The following PRICKLE2 variants were observed in gnomAD, a reference collection of about 807,000 sequenced individuals.
The protein encoded by PRICKLE2 is prickle-like protein 2.
PRICKLE2 carries 21 observed loss-of-function variants against 81.4 expected under a neutral mutation model. The observed-to-expected ratio is 0.26, with a 90% CI of 0.18 to 0.37. The LOEUF (loss-of-function observed/expected upper bound fraction) is 0.37. Among genes scored for constraint, PRICKLE2 ranks in the 10% least tolerant of loss-of-function variants. The pLI is 1.00. For synonymous variants in PRICKLE2, 456 were observed against 421.5 expected (o/e 1.08, Z -1.00); for missense variants, 940 against 1,109.0 (o/e 0.85, Z 2.16).
chr3:64,252,675 G>C (rs941118050), intron 2 of PRICKLE2, among the ~76,000 whole-genome samples: 2 of 152,182 alleles, frequency 1.3e-5, no homozygotes, highest in Non-Finnish European at 2.9e-5. Context: ...TGGGAGTCAG[G>C]AAACTTTTGT....
At position 64,147,118 on chromosome 3, in the gene PRICKLE2, T is replaced by C; in HGVS notation, c.1372A>G (p.Thr458Ala). Residue 458 changes from threonine to alanine, a missense_variant, in exon 7 of 8, where the codon ACA (threonine) becomes GCA (alanine). This residue lies in a region of PRICKLE2 where 670 missense variants were observed against 717.2 expected (regional missense o/e 0.93). Transcript: ENST00000638394. The surrounding 1 kb of genome is among the most constrained non-coding windows in gnomAD (Gnocchi z 5.0). ...NPKRSSSLAM[T>A]GHAGSFIKEC... ...TTGATGAAGCTGCCAGCATGTCCTG[T>C]CATGGCCAGTGACGAGCTCCTTTTG... is the stretch of plus-strand genomic sequence containing the variant. 1.2e-6 allele frequency: 2 copies of C among 1,614,136 alleles called. No homozygotes were observed. Among genetic ancestry groups the C allele is most frequent in the Non-Finnish European group, 1.7e-6 (2 of 1,180,026 alleles).
chr3:64,113,842 C>T (rs2076891107), intron 7 of PRICKLE2, among the ~76,000 whole-genome samples: 1 of 152,120 alleles, frequency 6.6e-6, no homozygotes, highest in Non-Finnish European at 1.5e-5. Context: ...AGCACCCTGC[C>T]CCAAGCCAAT....
At chr3:64,137,437 T>C (rs2077294985) in intron 7 of PRICKLE2, among the ~76,000 whole-genome samples, 1 of 152,100 alleles carries the variant, frequency 6.6e-6, no homozygotes. Flanking sequence ...ACAAAGAGAA[T>C]AAAATCAGCA....
At chr3:64,111,537 C>G (rs906382261) in intron 7 of PRICKLE2, among the ~76,000 whole-genome samples, 1 of 152,132 alleles carries the variant, frequency 6.6e-6, no homozygotes, top group Non-Finnish European at 1.5e-5. Context: ...AGTGACACTC[C>G]CCAGCTTCTA....
At chr3:64,112,346 C>G (rs541703179) in intron 7 of PRICKLE2, among the ~76,000 whole-genome samples, 14 of 152,292 alleles carry the variant, frequency 9.2e-5, no homozygotes, top group African/African-American at 3.4e-4. Flanking sequence ...CTCCTTTAGG[C>G]TTGGGATCTT....
At chr3:64,262,866 T>C (rs2079637683) in intron 2 of PRICKLE2, among the ~76,000 whole-genome samples, 1 of 152,114 alleles carries the variant, frequency 6.6e-6, no homozygotes, top group African/African-American at 2.4e-5. Flanking sequence ...GAAACTGAGG[T>C]TCAGAGATGT....
At chr3:64,168,036 G>A (rs2107056428) in intron 2 of PRICKLE2, among the ~76,000 whole-genome samples, 1 of 152,228 alleles carries the variant, frequency 6.6e-6, no homozygotes, top group East Asian at 1.9e-4. Flanking sequence ...GAACTTGTTG[G>A]ACCTCACCCA....
chr3:64,156,636 A>T (rs2077639674), intron 5 of PRICKLE2, among the ~76,000 whole-genome samples: 1 of 152,176 alleles, frequency 6.6e-6, no homozygotes, highest in African/African-American at 2.4e-5. Flanking sequence ...TGGGGCAGAG[A>T]CATCCAAATG....
intron 7 of PRICKLE2, among the ~76,000 whole-genome samples, chr3:64,129,171 A>G (rs1038880757): frequency 4.6e-5 from 7 of 151,760 alleles, no homozygotes; most frequent in Non-Finnish European, 7.4e-5. Context: ...AAAATACAAG[A>G]CTCAAGTGTT....
At chr3:64,101,160 G>A (rs926064806) in intron 7 of PRICKLE2, 1 of 152,120 alleles carries the variant, frequency 6.6e-6, no homozygotes, top group Non-Finnish European at 1.5e-5. Flanking sequence ...TTGGGTGTAC[G>A]ACCAAGAGTA....
At chr3:64,134,818 G>T (rs564046810) in intron 7 of PRICKLE2, among the ~76,000 whole-genome samples, 1 of 152,166 alleles carries the variant, frequency 6.6e-6, no homozygotes, top group Non-Finnish European at 1.5e-5. Context: ...AAAGAAAAAG[G>T]GTGAGTTATT....
At chr3:64,242,273 A>G (rs2079278116) in intron 2 of PRICKLE2, among the ~76,000 whole-genome samples, 1 of 152,214 alleles carries the variant, frequency 6.6e-6, no homozygotes, top group Admixed American at 6.5e-5. Context: ...CCTTCTTAGC[A>G]GTCTAGCTAG....
At chr3:64,257,580 A>G (rs1037124098) in intron 2 of PRICKLE2, among the ~76,000 whole-genome samples, 9 of 151,760 alleles carry the variant, frequency 5.9e-5, no homozygotes, top group Non-Finnish European at 1.3e-4. Context: ...CTGGGTGTTT[A>G]CTCCTTCAAA....
intron 7 of PRICKLE2, among the ~76,000 whole-genome samples, chr3:64,138,519 G>A (rs2077310705): frequency 6.6e-6 from 1 of 152,224 alleles, no homozygotes; most frequent in Non-Finnish European, 1.5e-5. Flanking sequence ...TGAAGCCAGT[G>A]TACAGGGAAC....
Position 64,147,713 on chromosome 3 carries a change from G to A in PRICKLE2, c.788-11C>T. The A allele has an allele frequency of 1.2e-6, 2 of 1,613,398 alleles. No homozygotes were observed. The highest frequency in any genetic ancestry group is 1.7e-6 in the Non-Finnish European group (2 of 1,179,990). ...GACCTTGGTCGATACCTAAAAAAATGAGAGACATTGGAGAGGCTGATGAGC... is the reference window on the plus strand; with the variant it reads ...GACCTTGGTCGATACCTAAAAAAATAAGAGACATTGGAGAGGCTGATGAGC... On this transcript the variant is annotated splice_polypyrimidine_tract_variant and intron_variant, in intron 6 of 7. Transcript: ENST00000638394. This position sits in a 1 kb window ranked among gnomAD's most constrained non-coding sequence, Gnocchi z 5.0.
Position 64,146,868 on chromosome 3 carries a change from C to G in PRICKLE2, c.1622G>C (p.Arg541Pro). The change falls in exon 7 of 8, where the codon CGG (arginine) becomes CCG (proline). Residue 541 changes from arginine to proline, a missense_variant. Transcript: ENST00000638394. ...EDMTPTEQTP[R>P]GSMESLALSN... Reference sequence around the variant, plus strand: ...CAGGGCCAGGGATTCCATGGAGCCCCGAGGGGTCTGCTCTGTGGGCGTCAT... The same window carrying G: ...CAGGGCCAGGGATTCCATGGAGCCCGGAGGGGTCTGCTCTGTGGGCGTCAT... 1 of 1,614,118 alleles carries G rather than the reference C, an allele frequency of 6.2e-7. No individual in the cohort carries two copies. Among genetic ancestry groups the G allele is most frequent in the South Asian group, 1.1e-5 (1 of 91,076 alleles).
intron 7 of PRICKLE2, chr3:64,145,778 C>T (rs1203045158): frequency 2.0e-5 from 3 of 151,954 alleles, no homozygotes; most frequent in Non-Finnish European, 4.4e-5. Context: ...CAACTGGGCT[C>T]CAGGTGCTGT....
chr3:64,130,018 TGGA>T (rs1424686903), intron 7 of PRICKLE2, among the ~76,000 whole-genome samples: 1 of 152,178 alleles, frequency 6.6e-6, no homozygotes, highest in Non-Finnish European at 1.5e-5. Context: ...GACAGAAATG[TGGA>T]GTAGTGGTTC....
At chr3:64,265,210 T>C (rs1417649317) in intron 2 of PRICKLE2, among the ~76,000 whole-genome samples, 1 of 152,132 alleles carries the variant, frequency 6.6e-6, no homozygotes, top group Non-Finnish European at 1.5e-5. Flanking sequence ...AATCAAATGC[T>C]AAGTATCCCA....
Sources: gnomAD v4.1 joint callset for allele counts (sites outside exome capture counted in the v4.1 genomes callset) on GRCh38, gnomAD v4.1.1 for gene constraint, gnomAD v4.1.1 regional missense constraint, Gnocchi (gnomAD v3.1) non-coding constraint, MANE v1.5 for transcripts, NCBI Gene and HGNC (gene_info 2026-07-23, HGNC 2026-07-21) for gene names.